The following NUP62CL variants were observed in gnomAD, a reference collection of about 807,000 sequenced individuals.
NUP62CL encodes nucleoporin 62 C-terminal like, also known as nucleoporin-62 C-terminal-like protein.
In NUP62CL, 13 loss-of-function variants were observed where a neutral mutation model predicts 15.3. That is an observed-to-expected ratio of 0.85 (90% CI 0.55 to 1.35). NUP62CL has a LOEUF of 1.35. Among genes scored for constraint, NUP62CL ranks in the 40% most tolerant of loss-of-function variants. The probability of loss-of-function intolerance (pLI) is 0.00; values close to 1 mark genes in which losing one functional copy is unlikely to be tolerated. For missense variants in NUP62CL, 123 were observed against 130.6 expected, an observed-to-expected ratio of 0.94 and a Z score of 0.28; for synonymous variants, 54 against 49.2, an observed-to-expected ratio of 1.10 and a Z score of -0.41.
At chrX:107,134,433 A>G (rs1469488259) in intron 8 of NUP62CL, among the ~76,000 whole-genome samples, 1 of 112,186 alleles carries the variant, frequency 8.9e-6, no homozygotes, top group East Asian at 2.8e-4. Context: ...ATTTTAACAG[A>G]TTAGAGAGCT....
chrX:107,200,756 G>A (rs959870971), intron 1 of NUP62CL, among the ~76,000 whole-genome samples: 3 of 109,858 alleles, frequency 2.7e-5, no homozygotes, highest in Admixed American at 9.8e-5. Flanking sequence ...AGGGATGCAA[G>A]AGAGGGCAGG....
At chrX:107,186,632 C>T (rs1927070399) in intron 2 of NUP62CL, among the ~76,000 whole-genome samples, 1 of 111,635 alleles carries the variant, frequency 9.0e-6, no homozygotes, top group African/African-American at 3.3e-5. Flanking sequence ...GGCGTGATAG[C>T]TCACTCCTGT....
At chrX:107,146,894 A>C (rs188036004) in intron 8 of NUP62CL, among the ~76,000 whole-genome samples, 4 of 111,408 alleles carry the variant, frequency 3.6e-5, no homozygotes, top group Non-Finnish European at 7.6e-5. Flanking sequence ...TTCCCCAAGA[A>C]GACTTGGTTC....
At chrX:107,157,145 C>T (rs1308128403) in intron 4 of NUP62CL, among the ~76,000 whole-genome samples, 2 of 110,397 alleles carry the variant, frequency 1.8e-5, no homozygotes, top group East Asian at 2.9e-4. Context: ...ACCAAATCTA[C>T]GTCTGATTGG....
chrX:107,129,725 T>C (rs1345728696), intron 8 of NUP62CL, among the ~76,000 whole-genome samples: 1 of 112,047 alleles, frequency 8.9e-6, no homozygotes, highest in Non-Finnish European at 1.9e-5. Flanking sequence ...TGAATATAAA[T>C]GGACAACCAA....
At chrX:107,179,747 T>C (rs1422664433) in intron 2 of NUP62CL, among the ~76,000 whole-genome samples, 6 of 112,074 alleles carry the variant, frequency 5.4e-5, no homozygotes, top group Non-Finnish European at 1.1e-4. Context: ...CAGCGTGGAA[T>C]TGCTAAGTCA....
chrX:107,132,405 A>AATAT, intron 8 of NUP62CL: 1 of 420,708 alleles, frequency 2.4e-6, no homozygotes, highest in Non-Finnish European at 4.1e-6. Flanking sequence ...ACACATATCC[A>AATAT]GTCATAACAC....
At chrX:107,205,077 G>GT (rs1460444388) in intron 1 of NUP62CL, among the ~76,000 whole-genome samples, 1 of 110,907 alleles carries the variant, frequency 9.0e-6, no homozygotes, top group African/African-American at 3.3e-5. Context: ...TATATTGCAA[G>GT]TAGTAAGTGT....
intron 1 of NUP62CL, among the ~76,000 whole-genome samples, chrX:107,200,970 C>T (rs373760944): frequency 1.1e-3 from 119 of 110,931 alleles, no homozygotes; most frequent in Middle Eastern, 4.6e-3. Flanking sequence ...ATCATAAAAA[C>T]CTTTTACAGA....
chrX:107,124,177 C>G lies in NUP62CL; in HGVS notation c.*198G>C. 1 of 323,353 alleles carries G rather than the reference C, an allele frequency of 3.1e-6. No individual in the cohort carries two copies. The highest frequency in any genetic ancestry group is 6.1e-6 in the Non-Finnish European group (1 of 163,602). 26.6% of individuals were successfully genotyped at this position (323,353 alleles called of 1,213,427 possible). A position where few individuals can be genotyped will look rare whatever the true frequency, so the allele number is the denominator to read the frequency against. ...TGAAATATTAAGTATAAATACTACT[C>G]TATTTAACATCAGAATTTGTAGGTA... On this transcript the variant is annotated 3_prime_UTR_variant, in exon 9 of 9. Coordinates refer to ENST00000372466, the MANE Select transcript of NUP62CL (RefSeq NM_017681.3).
intron 4 of NUP62CL, among the ~76,000 whole-genome samples, chrX:107,166,615 T>C (rs1359854470): frequency 4.5e-5 from 5 of 112,088 alleles, no homozygotes; most frequent in African/African-American, 1.6e-4. Context: ...AACATGTACA[T>C]CAATGTTCAC....
rs1277333126 is a variant in NUP62CL, at chrX:107,153,449, T to G, written c.395+5A>C. On this transcript the variant is annotated splice_donor_5th_base_variant and intron_variant, in intron 6 of 8. Transcript: ENST00000372466. ...TCTTTCAACCAAGGAAATCTAAGGT[T>G]CTACCTTTTCTGATCCAGTTTCACT... 1.7e-6 allele frequency: 2 copies of G among 1,157,153 alleles called. No individual in the cohort carries two copies. The highest frequency in any genetic ancestry group is 2.3e-6 in the Non-Finnish European group (2 of 868,513).
intron 1 of NUP62CL, among the ~76,000 whole-genome samples, chrX:107,198,284 G>A (rs1443887485): frequency 9.0e-6 from 1 of 111,535 alleles, no homozygotes; most frequent in African/African-American, 3.3e-5. Flanking sequence ...AAAAACGGAC[G>A]AATCAGCACT....
At chrX:107,142,556 G>A (rs1338598593) in intron 8 of NUP62CL, among the ~76,000 whole-genome samples, 3 of 111,970 alleles carry the variant, frequency 2.7e-5, no homozygotes, top group Non-Finnish European at 5.6e-5. Context: ...AATACTCAGT[G>A]AACTTTCAAA....
At chrX:107,153,804 C>T (rs1285455975) in intron 5 of NUP62CL, among the ~76,000 whole-genome samples, 1 of 110,805 alleles carries the variant, frequency 9.0e-6, no homozygotes, top group Non-Finnish European at 1.9e-5. Flanking sequence ...CCTATCCCTA[C>T]TGAAAAAACA....
At chrX:107,197,484 A>G (rs1171731038) in intron 1 of NUP62CL, among the ~76,000 whole-genome samples, 2 of 110,431 alleles carry the variant, frequency 1.8e-5, no homozygotes, top group African/African-American at 6.6e-5. Context: ...TTCCTCTTCT[A>G]AGTAACCTCT....
intron 2 of NUP62CL, among the ~76,000 whole-genome samples, chrX:107,187,555 G>T (rs974678215): frequency 1.8e-5 from 2 of 111,695 alleles, no homozygotes; most frequent in African/African-American, 6.5e-5. Context: ...GCACCACCAT[G>T]CCCGGCTGAC....
intron 4 of NUP62CL, among the ~76,000 whole-genome samples, chrX:107,159,725 C>G (rs1356098603): frequency 1.3e-5 from 1 of 75,204 alleles, no homozygotes; most frequent in African/African-American, 5.2e-5. Flanking sequence ...TGGCACAAGA[C>G]AGGGATGCCC....
chrX:107,182,520 G>T (rs1463192408), intron 2 of NUP62CL, among the ~76,000 whole-genome samples: 1 of 111,333 alleles, frequency 9.0e-6, no homozygotes, highest in African/African-American at 3.3e-5. Context: ...GTAGGACATA[G>T]AAAATAGCAG....
Sources: allele counts gnomAD v4.1 joint callset (sites outside exome capture counted in the v4.1 genomes callset), GRCh38; gene constraint gnomAD v4.1.1; transcripts MANE v1.5; gene names NCBI Gene and HGNC (gene_info 2026-07-23, HGNC 2026-07-21).